The following PRKD1 variants were observed in gnomAD, a reference collection of about 807,000 sequenced individuals.
PRKD1 encodes protein kinase D1.
Under a neutral mutation model 95.9 loss-of-function variants are expected in PRKD1, and 63 were observed. The ratio of observed to expected loss-of-function variants is 0.66; its 90% CI spans 0.54 to 0.81. PRKD1 has a LOEUF of 0.81. Ranked by LOEUF, PRKD1 falls within the 30% of genes least tolerant of loss-of-function variation. The pLI, the probability that PRKD1 is intolerant of heterozygous loss-of-function variation, is 0.00. For missense variants in PRKD1, 1,048 were observed against 1,165.3 expected (o/e 0.90, Z 1.47); for synonymous variants, 425 against 423.1 (o/e 1.00, Z -0.05).
chr14:29,769,840 C>T (rs1223581493), intron 1 of PRKD1, among the ~76,000 whole-genome samples: 1 of 152,140 alleles, frequency 6.6e-6, no homozygotes, highest in Non-Finnish European at 1.5e-5. Context: ...ATACAATATG[C>T]AATAAATTAT....
chr14:29,801,999 C>G (rs1028217826), intron 1 of PRKD1, among the ~76,000 whole-genome samples: 3 of 152,008 alleles, frequency 2.0e-5, no homozygotes, highest in African/African-American at 7.2e-5. Flanking sequence ...GGGTCTACAT[C>G]TTTTATACCT....
intron 10 of PRKD1, 98 bp from the exon 11 acceptor site, chr14:29,629,191 G>T: frequency 1.1e-6 from 1 of 951,096 alleles, no homozygotes; most frequent in Non-Finnish European, 1.6e-6. Context: ...CTGCAAAAGT[G>T]GTTTTAACTA....
At chr14:29,635,338 C>T (rs1261856235) in intron 7 of PRKD1, among the ~76,000 whole-genome samples, 2 of 152,028 alleles carry the variant, frequency 1.3e-5, no homozygotes, top group Non-Finnish European at 2.9e-5. Context: ...TCCCCCTTCC[C>T]ACAACATGAA....
At chr14:29,816,685 C>T (rs1890706585) in intron 1 of PRKD1, among the ~76,000 whole-genome samples, 1 of 152,174 alleles carries the variant, frequency 6.6e-6, no homozygotes, top group African/African-American at 2.4e-5. Context: ...TCTGACTTTG[C>T]ACCTCTTTGG....
At chr14:29,750,855 G>A (rs527271573) in intron 1 of PRKD1, among the ~76,000 whole-genome samples, 2 of 152,246 alleles carry the variant, frequency 1.3e-5, no homozygotes, top group African/African-American at 4.8e-5. Flanking sequence ...AGGAGAGTAG[G>A]AAATGAAGCA....
At chr14:29,713,001 T>C (rs192102050) in intron 2 of PRKD1, among the ~76,000 whole-genome samples, 6 of 152,292 alleles carry the variant, frequency 3.9e-5, no homozygotes, top group Non-Finnish European at 5.9e-5. Context: ...CATTCTCCAG[T>C]TGGCTTTGTT....
intron 1 of PRKD1, among the ~76,000 whole-genome samples, chr14:29,831,462 T>A (rs1041496293): frequency 3.3e-5 from 5 of 151,696 alleles, no homozygotes; most frequent in African/African-American, 1.2e-4. Context: ...TTTTTTTTTT[T>A]TTTTTGGTTG....
At chr14:29,826,842 C>CATAT (rs1192535083) in intron 1 of PRKD1, among the ~76,000 whole-genome samples, 1,151 of 19,714 alleles carry the variant, frequency 0.058, 163 homozygotes, top group Non-Finnish European at 0.071. Flanking sequence ...TATATATACA[C>CATAT]ACATATATAT....
chr14:29,606,840 A>C (rs1320514345), intron 13 of PRKD1, among the ~76,000 whole-genome samples: 2 of 152,188 alleles, frequency 1.3e-5, no homozygotes, highest in African/African-American at 4.8e-5. Context: ...TATTTAACCC[A>C]GAACAGGTTT....
intron 9 of PRKD1, 99 bp downstream of exon 9, chr14:29,632,770 A>G: frequency 1.8e-6 from 2 of 1,117,204 alleles, no homozygotes; most frequent in South Asian, 2.9e-5. Context: ...GCACAAAAAT[A>G]GCCACGTTTG....
At chr14:29,799,986 G>A (rs1396790823) in intron 1 of PRKD1, among the ~76,000 whole-genome samples, 3 of 151,996 alleles carry the variant, frequency 2.0e-5, no homozygotes, top group Non-Finnish European at 1.5e-5. Flanking sequence ...CTGAAGTGCC[G>A]TCTAGTGTTC....
rs1895338300 is a variant in PRKD1, at chr14:29,927,281, G to A, written c.232C>T (p.Arg78Cys). 1 of 1,532,660 alleles carries A rather than the reference G, an allele frequency of 6.5e-7. No individual in the cohort carries two copies. Among genetic ancestry groups the A allele is most frequent in the Admixed American group, 2.0e-5 (1 of 49,506 alleles). The allele number at this position is 1,532,660 out of a possible 1,614,324, so 94.9% of individuals were successfully genotyped here. ...SSGDYSLAHVREMACSIVDQK... is the reference protein window; with the variant it reads ...SSGDYSLAHVCEMACSIVDQK... ...TCGACAATGGAGCAAGCCATCTCGC[G>A]GACGTGCGCCAGGCTGTAGTCCCCG... is the stretch of plus-strand genomic sequence containing the variant. Residue 78 changes from arginine to cysteine, a missense_variant, in exon 1 of 18, where the codon CGC (arginine) becomes TGC (cysteine). Around this residue, in one of 3 missense-constraint regions of PRKD1, gnomAD observed 275 missense variants for 248.6 expected, o/e 1.11. Coordinates refer to ENST00000331968, the MANE Select transcript of PRKD1 (RefSeq NM_002742.3).
intron 13 of PRKD1, among the ~76,000 whole-genome samples, chr14:29,621,318 T>A (rs1328883252): frequency 6.6e-6 from 1 of 151,928 alleles, no homozygotes; most frequent in Non-Finnish European, 1.5e-5. Context: ...ATTATGCACG[T>A]GTACCCTAAA....
At chr14:29,701,480 A>T (rs1445174667) in intron 2 of PRKD1, among the ~76,000 whole-genome samples, 2 of 152,090 alleles carry the variant, frequency 1.3e-5, no homozygotes, top group Admixed American at 1.3e-4. Flanking sequence ...ACTAGCTGAA[A>T]TTTTTTCACA....
At chr14:29,662,605 A>G (rs1289144373) in intron 4 of PRKD1, among the ~76,000 whole-genome samples, 3 of 152,154 alleles carry the variant, frequency 2.0e-5, no homozygotes, top group African/African-American at 7.2e-5. Context: ...TTTCCTAATT[A>G]TTAAAATAAT....
At chr14:29,776,353 A>C (rs1051807254) in intron 1 of PRKD1, among the ~76,000 whole-genome samples, 1 of 152,202 alleles carries the variant, frequency 6.6e-6, no homozygotes, top group African/African-American at 2.4e-5. Flanking sequence ...CTCCGAGCTA[A>C]AGGAGGATGT....
chr14:29,697,615 TGGGAAA>T (rs1220422527), intron 2 of PRKD1, among the ~76,000 whole-genome samples: 1 of 152,190 alleles, frequency 6.6e-6, no homozygotes, highest in Non-Finnish European at 1.5e-5. Context: ...AATCACTTTT[TGGGAAA>T]GGCAATAATG....
chr14:29,823,184 T>A (rs1890984172), intron 1 of PRKD1, among the ~76,000 whole-genome samples: 1 of 152,166 alleles, frequency 6.6e-6, no homozygotes. Context: ...TCCTTGGCTT[T>A]CCATTTGATA....
At chr14:29,621,935 T>C (rs1879291597) in intron 13 of PRKD1, among the ~76,000 whole-genome samples, 1 of 152,222 alleles carries the variant, frequency 6.6e-6, no homozygotes, top group South Asian at 2.1e-4. Flanking sequence ...AACCAAACTC[T>C]TTAGAAAACC....
Sources: allele counts gnomAD v4.1 joint callset (sites outside exome capture counted in the v4.1 genomes callset), GRCh38; gene constraint gnomAD v4.1.1; regional missense constraint gnomAD v4.1.1; transcripts MANE v1.5; gene names NCBI Gene and HGNC (gene_info 2026-07-23, HGNC 2026-07-21).